Variants in ACTR2 observed in about 807,000 individuals in gnomAD.
ACTR2 encodes the protein actin-related protein 2.
Under a neutral mutation model 50.2 loss-of-function variants are expected in ACTR2, and 5 were observed. The ratio of observed to expected loss-of-function variants is 0.10; its 90% CI spans 0.05 to 0.21. ACTR2 has a LOEUF of 0.21. ACTR2 is among the 10% of genes least tolerant of loss of function. The pLI is 1.00. For synonymous variants in ACTR2, 140 were observed against 162.9 expected, an observed-to-expected ratio of 0.86 and a Z score of 1.07; for missense variants, 180 against 480.6, an observed-to-expected ratio of 0.37 and a Z score of 5.85.
chr2:65,235,539 G>A (rs185244208), intron 1 of ACTR2, among the ~76,000 whole-genome samples: 5 of 152,218 alleles, frequency 3.3e-5, no homozygotes, highest in Admixed American at 6.5e-5. Context: ...AGTGGATCAC[G>A]AGGTCAGGAG....
chr2:65,262,833 G>C (rs1265632395), intron 7 of ACTR2, among the ~76,000 whole-genome samples: 1 of 151,706 alleles, frequency 6.6e-6, no homozygotes, highest in Non-Finnish European at 1.5e-5. Context: ...TATGGTGGTG[G>C]TGTACTCCTG....
intron 3 of ACTR2, among the ~76,000 whole-genome samples, chr2:65,250,130 C>T (rs1333808159): frequency 9.2e-5 from 14 of 151,870 alleles, no homozygotes; most frequent in African/African-American, 2.4e-4. Flanking sequence ...TTTGGGAGGC[C>T]GAGGCAGGCG....
At position 65,261,312 on chromosome 2, in the gene ACTR2, G is replaced by A. The variant is rs1672263771; in HGVS notation, c.801G>A (p.Gln267=). 6.2e-7 allele frequency: 1 copy of A among 1,614,062 alleles called. No homozygotes were observed. Among genetic ancestry groups the A allele is most frequent in the Middle Eastern group, 1.7e-4 (1 of 6,058 alleles). The part of the protein sequence containing the change: ...ERFEAPEALF[Q]PHLINVEGVG... ...TTGAAGCACCAGAAGCTTTATTTCAGCCTCACTTGATCAATGTTGAAGGAG... is the reference window on the plus strand; with the variant it reads ...TTGAAGCACCAGAAGCTTTATTTCAACCTCACTTGATCAATGTTGAAGGAG... Residue 267 remains glutamine (Q), a synonymous_variant, in exon 7 of 9, where the codon CAG becomes CAA. Coordinates refer to ENST00000260641, the MANE Select transcript of ACTR2 (RefSeq NM_005722.4).
At chr2:65,248,590 T>C (rs1425741682) in intron 3 of ACTR2, among the ~76,000 whole-genome samples, 1 of 152,024 alleles carries the variant, frequency 6.6e-6, no homozygotes, top group East Asian at 1.9e-4. Context: ...GTAGTAGTAG[T>C]AGAGATAGTG....
rs1239141677 is a variant in ACTR2, at chr2:65,270,369, G to GTTTTT, written c.*1637_*1641dup. On this transcript the variant is annotated 3_prime_UTR_variant, in exon 9 of 9. Coordinates refer to ENST00000260641, the MANE Select transcript of ACTR2 (RefSeq NM_005722.4). ...TATGTAGCTTCTGTTAATATTAAGT[G>GTTTTT]TTTTTTGTCTGTTTTACCTCAATTT... 1 of 152,492 alleles carries GTTTTT rather than the reference G, an allele frequency of 6.6e-6. No homozygotes were observed. Among genetic ancestry groups the GTTTTT allele is most frequent in the African/African-American group, 2.4e-5 (1 of 41,398 alleles). The allele number at this position is 152,492 out of a possible 1,614,324, so 9.4% of individuals were successfully genotyped here.
chr2:65,242,038 C>A, intron 2 of ACTR2: 15 of 1,608,840 alleles, frequency 9.3e-6, no homozygotes, highest in African/African-American at 1.3e-5. Context: ...TTTCTTGACC[C>A]GTTGAAGTAG....
At chr2:65,253,110 C>G (rs1320887675) in intron 4 of ACTR2, among the ~76,000 whole-genome samples, 2 of 151,938 alleles carry the variant, frequency 1.3e-5, no homozygotes, top group Admixed American at 6.6e-5. Flanking sequence ...TCAAAACTAT[C>G]TAAGTTGAAA....
intron 3 of ACTR2, among the ~76,000 whole-genome samples, chr2:65,248,270 C>T (rs1671977295): frequency 1.3e-5 from 2 of 152,036 alleles, no homozygotes; most frequent in Admixed American, 6.6e-5. Context: ...CATAGTGGTG[C>T]GTGCCTGTAA....
chr2:65,256,826 C>T (rs1301246844), intron 6 of ACTR2, among the ~76,000 whole-genome samples: 2 of 146,510 alleles, frequency 1.4e-5, no homozygotes, highest in Non-Finnish European at 3.0e-5. Flanking sequence ...GAGCTGAGAT[C>T]GTGCCACTGC....
chr2:65,229,777 AC>A (rs1250051060), intron 1 of ACTR2, among the ~76,000 whole-genome samples: 18 of 151,916 alleles, frequency 1.2e-4, no homozygotes, highest in African/African-American at 4.1e-4. Context: ...AAAAAGAAAA[AC>A]AAAACATATT....
chr2:65,250,307 T>C (rs998925039), intron 3 of ACTR2, among the ~76,000 whole-genome samples: 2 of 150,324 alleles, frequency 1.3e-5, no homozygotes, highest in Non-Finnish European at 3.0e-5. Flanking sequence ...GAGGTTGCAG[T>C]GAGCTGAGAT....
rs190744646 is a variant in ACTR2 at position 65,256,757 on chromosome 2, A to G, written c.735+1063A>G. Among the ~76,000 whole-genome samples, 186 of 152,090 alleles carry G rather than the reference A, an allele frequency of 1.2e-3. 7 individuals carry two copies. The East Asian group carries it at 0.032, about 26-fold the overall frequency. Reference sequence around the variant, plus strand: ...CAAGGTGGTGGGCACCTGTAGTCCCAGCTATTCAGGAGGCTGAGGCAGGAG... The same window carrying G: ...CAAGGTGGTGGGCACCTGTAGTCCCGGCTATTCAGGAGGCTGAGGCAGGAG... On this transcript the variant is annotated intron_variant, in intron 6 of 8. Transcript: ENST00000260641.
intron 1 of ACTR2, among the ~76,000 whole-genome samples, chr2:65,231,242 A>G (rs986958996): frequency 2.6e-5 from 4 of 152,188 alleles, no homozygotes; most frequent in African/African-American, 4.8e-5. Flanking sequence ...CAGATTTTCT[A>G]TGGACATGAT....
chr2:65,229,467 A>T (rs72621550), intron 1 of ACTR2, among the ~76,000 whole-genome samples: 7,514 of 152,154 alleles, frequency 0.049, 677 homozygotes, highest in East Asian at 0.36. Context: ...GTGTTAACGT[A>T]CATTGAGGCC....
intron 3 of ACTR2, among the ~76,000 whole-genome samples, chr2:65,249,788 C>G (rs1314698817): frequency 6.6e-6 from 1 of 152,132 alleles, no homozygotes; most frequent in African/African-American, 2.4e-5. Flanking sequence ...AAGGAAAGAA[C>G]TCCTCCTTCC....
intron 3 of ACTR2, among the ~76,000 whole-genome samples, chr2:65,249,031 G>GA (rs67899013): frequency 3.5e-5 from 5 of 143,592 alleles, no homozygotes; most frequent in Non-Finnish European, 7.9e-5. Flanking sequence ...AAAAGAAAAA[G>GA]AAAAAAAAAG....
intron 2 of ACTR2, among the ~76,000 whole-genome samples, chr2:65,243,862 GGC>G (rs1314084145): frequency 6.6e-6 from 1 of 152,112 alleles, no homozygotes; most frequent in Non-Finnish European, 1.5e-5. Flanking sequence ...GATGTTCAGT[GGC>G]GGGGCAGGTG....
At chr2:65,232,394 T>C (rs1671656308) in intron 1 of ACTR2, among the ~76,000 whole-genome samples, 2 of 152,254 alleles carry the variant, frequency 1.3e-5, no homozygotes, top group South Asian at 2.1e-4. Flanking sequence ...TTGTAGTTGA[T>C]TGTGGCCTGC....
intron 4 of ACTR2, 66 bp downstream of exon 4, chr2:65,251,165 G>T: frequency 8.3e-7 from 1 of 1,209,898 alleles, no homozygotes; most frequent in South Asian, 1.4e-5. Flanking sequence ...TTTTATGTCA[G>T]AGAATTTGGT....
Sources: gnomAD v4.1 joint callset for allele counts (sites outside exome capture counted in the v4.1 genomes callset) on GRCh38, gnomAD v4.1.1 for gene constraint, MANE v1.5 for transcripts, NCBI Gene and HGNC (gene_info 2026-07-23, HGNC 2026-07-21) for gene names.